The following DNAH1 variants were observed in gnomAD, a reference collection of about 807,000 sequenced individuals.
DNAH1 encodes the protein dynein axonemal heavy chain 1, also known as axonemal beta dynein heavy chain 1.
DNAH1 carries 327 observed loss-of-function variants against 484.3 expected under a neutral mutation model. The ratio of observed to expected loss-of-function variants is 0.68; its 90% CI spans 0.62 to 0.74. The LOEUF (loss-of-function observed/expected upper bound fraction) is 0.74. Ranked by LOEUF, DNAH1 falls within the 30% of genes least tolerant of loss-of-function variation. The pLI is 0.00. For missense variants in DNAH1, 5,052 were observed against 5,546.8 expected (o/e 0.91, Z 2.83); for synonymous variants, 2,192 against 2,191.9 (o/e 1.00, Z 0.00).
chr3:52,348,796 C>A, intron 12 of DNAH1, 92 bp from the exon 13 acceptor site: 1 of 1,416,624 alleles, frequency 7.1e-7, no homozygotes, highest in Non-Finnish European at 9.7e-7. Flanking sequence ...CCCCTGCTTG[C>A]CCTGCTCCTC....
chr3:52,334,303 A>G (rs62257590), intron 8 of DNAH1, among the ~76,000 whole-genome samples: 3,116 of 152,342 alleles, frequency 0.02, 55 homozygotes, highest in Non-Finnish European at 0.031. Flanking sequence ...TGGTACATCT[A>G]TGTAAGGCAC....
At position 52,383,957 on chromosome 3, in the gene DNAH1, C is replaced by T. The variant is rs941848602; in HGVS notation, c.8248C>T (p.Leu2750=). The part of the protein sequence containing the change: ...DWFNEWPAEA[L]KSVATVFLNE... ...GTTTAACGAGTGGCCGGCAGAAGCC[C>T]TGAAGTCTGTGGCCACCGTGTTCCT... The change falls in exon 52 of 78, where the codon CTG becomes TTG. Residue 2750 remains leucine, a synonymous_variant. Coordinates refer to ENST00000420323, the MANE Select transcript of DNAH1 (RefSeq NM_015512.5). 9 of 1,612,682 alleles carry T rather than the reference C, an allele frequency of 5.6e-6. No homozygotes were observed. Among genetic ancestry groups the T allele is most frequent in the Non-Finnish European group, 7.6e-6 (9 of 1,179,330 alleles).
At chr3:52,336,490 G>T (rs909888310) in intron 8 of DNAH1, among the ~76,000 whole-genome samples, 1 of 152,166 alleles carries the variant, frequency 6.6e-6, no homozygotes, top group Non-Finnish European at 1.5e-5. Flanking sequence ...GGAGGTGGAG[G>T]TTGCAGTGAG....
rs1240300568 is a variant in DNAH1 at position 52,359,490 on chromosome 3, C to T, written c.4407+104C>T. 3.4e-6 allele frequency: 5 copies of T among 1,461,908 alleles called. No individual in the cohort carries two copies. The East Asian group carries it at 1.2e-4, about 36-fold the overall frequency. The allele number at this position is 1,461,908 out of a possible 1,614,324, so 90.6% of individuals were successfully genotyped here. A position where few individuals can be genotyped will look rare whatever the true frequency, so the allele number is the denominator to read the frequency against. ...TCTCCTATAGTGAGCCTGGAAGAGG[C>T]CTGGGGTTGGGTCTAAAGGGGAGGT... On this transcript the variant is annotated intron_variant, in intron 26 of 77. Transcript: ENST00000420323.
chr3:52,361,561 G>C lies in DNAH1; in HGVS notation c.4875-100G>C. On this transcript the variant is annotated intron_variant, in intron 29 of 77. Transcript: ENST00000420323. The surrounding 1 kb of genome is among the most constrained non-coding windows in gnomAD (Gnocchi z 5.6). ...CTGAGCTGATGGAGATTGCCCCTGA[G>C]GGCTTCCTCCCAAGTGGAGTTGGAG... 1 of 1,367,078 alleles carries C rather than the reference G, an allele frequency of 7.3e-7. No homozygotes were observed. Among genetic ancestry groups the C allele is most frequent in the Non-Finnish European group, 1.0e-6 (1 of 994,286 alleles). The allele number at this position is 1,367,078 out of a possible 1,614,324, so 84.7% of individuals were successfully genotyped here.
chr3:52,330,457 C>A (rs1264453253), intron 6 of DNAH1, among the ~76,000 whole-genome samples: 1 of 152,226 alleles, frequency 6.6e-6, no homozygotes, highest in Non-Finnish European at 1.5e-5. Context: ...ATGAGGCGAC[C>A]TGAGTGGAGA....
chr3:52,352,455 G>C, intron 17 of DNAH1, 97 bp from the exon 18 acceptor site: 1 of 1,486,024 alleles, frequency 6.7e-7, no homozygotes, highest in Non-Finnish European at 9.0e-7. Context: ...CGGAGGAGTG[G>C]ACGTCCTGGG....
chr3:52,385,205 C>A, intron 53 of DNAH1, 132 bp from the exon 54 acceptor site: 1 of 1,045,924 alleles, frequency 9.6e-7, no homozygotes, highest in Non-Finnish European at 1.4e-6. Context: ...CCTCTGGGGT[C>A]GGCTGGGCAA....
At chr3:52,345,455 G>A (rs1702102803) in intron 9 of DNAH1, 40 bp from the exon 10 acceptor site, 2 of 1,534,794 alleles carry the variant, frequency 1.3e-6, no homozygotes, top group African/African-American at 2.8e-5. Flanking sequence ...GGTTTGGCCA[G>A]GCAGGGTCTG....
In DNAH1 at chr3:52,324,638, G is replaced by A. The variant is rs115847109; in HGVS notation, c.406+758G>A. 6.8e-3 allele frequency among the ~76,000 whole-genome samples: 1,032 copies of A among 152,252 alleles called. 12 individuals are homozygous for A. The highest frequency in any genetic ancestry group is 0.012 in the Non-Finnish European group (828 of 68,004). On this transcript the variant is annotated intron_variant, in intron 3 of 77. Coordinates refer to ENST00000420323, the MANE Select transcript of DNAH1 (RefSeq NM_015512.5). ...ACACCAGTCCTCTTGGAGCCCACAG[G>A]CCTTAGAAAACATCACGAGCATGTA...
intron 43 of DNAH1, among the ~76,000 whole-genome samples, chr3:52,372,596 G>T (rs578230582): frequency 6.6e-6 from 1 of 152,364 alleles, no homozygotes; most frequent in Non-Finnish European, 1.5e-5. Flanking sequence ...CAGTCAGCGA[G>T]TGGGTGCTCG....
At chr3:52,374,453 T>A (rs1327471527) in intron 44 of DNAH1, 3 of 1,347,842 alleles carry the variant, frequency 2.2e-6, no homozygotes, top group Non-Finnish European at 1.1e-6. Context: ...AGACTCACAG[T>A]CCAAAAGAAG....
Position 52,370,457 on chromosome 3 carries a change from A to G in DNAH1, c.6259-20A>G. ...GATACTGTTCCTGTCTCAGCCTGAT[A>G]CTGTTCCCTTCATCCCCAGGGCCTC... On this transcript the variant is annotated intron_variant, in intron 39 of 77. Transcript: ENST00000420323. 6.2e-7 allele frequency: 1 copy of G among 1,613,860 alleles called. No individual in the cohort carries two copies.
chr3:52,374,761 A>T, intron 44 of DNAH1: 1 of 1,157,170 alleles, frequency 8.6e-7, no homozygotes, highest in Non-Finnish European at 1.3e-6. Flanking sequence ...ATAGAGATGG[A>T]ACAAAAGCTG....
rs1016034342 is a variant in DNAH1, at chr3:52,323,851, A to G, written c.377A>G (p.Gln126Arg). The G allele has an allele frequency of 3.8e-5, 60 of 1,583,640 alleles. No homozygotes were observed. The highest frequency in any genetic ancestry group is 4.7e-5 in the Non-Finnish European group (55 of 1,164,898). ...CGAATGAGCCAGAACCTCCTGCGGC[A>G]GGCTGACCTTGACAAGTTCACCCCA... is the stretch of plus-strand genomic sequence containing the variant. ...GPRMSQNLLR[Q>R]ADLDKFTPRV... The change falls in exon 3 of 78, where the codon CAG becomes CGG. Residue 126 changes from glutamine to arginine, a missense_variant. Coordinates refer to ENST00000420323, the MANE Select transcript of DNAH1 (RefSeq NM_015512.5).
chr3:52,335,547 G>A (rs1399072763), intron 8 of DNAH1, among the ~76,000 whole-genome samples: 1 of 151,958 alleles, frequency 6.6e-6, no homozygotes, highest in Non-Finnish European at 1.5e-5. Flanking sequence ...GACCTCAGGT[G>A]ATCCACCTGC....
rs1702247454 is a variant in DNAH1, at chr3:52,348,766, A to G, written c.2107-122A>G. 4.8e-6 allele frequency: 5 copies of G among 1,049,460 alleles called. No homozygotes were observed. The South Asian group carries it at 7.4e-5, about 16-fold the overall frequency. 65.0% of individuals were successfully genotyped at this position (1,049,460 alleles called of 1,614,324 possible). A position where few individuals can be genotyped will look rare whatever the true frequency, so the allele number is the denominator to read the frequency against. ...GTATTTGGTCACCCTGCCACCCTCT[A>G]GGCTTCAGGCCACATCCTGCCCCTG... On this transcript the variant is annotated intron_variant, in intron 12 of 77. Coordinates refer to ENST00000420323, the MANE Select transcript of DNAH1 (RefSeq NM_015512.5).
chr3:52,320,341 A>T (rs1183927258), intron 1 of DNAH1, among the ~76,000 whole-genome samples: 1 of 152,226 alleles, frequency 6.6e-6, no homozygotes, highest in African/African-American at 2.4e-5. Flanking sequence ...CAGAGACTGG[A>T]TTCAGGGAGC....
At chr3:52,318,115 G>A (rs899213246) in intron 1 of DNAH1, among the ~76,000 whole-genome samples, 6 of 152,206 alleles carry the variant, frequency 3.9e-5, no homozygotes, top group Non-Finnish European at 8.8e-5. Flanking sequence ...GCAATGGCGC[G>A]ATCTCGGCTC....
Sources: gnomAD v4.1 joint callset for allele counts (sites outside exome capture counted in the v4.1 genomes callset) on GRCh38, gnomAD v4.1.1 for gene constraint, Gnocchi (gnomAD v3.1) non-coding constraint, MANE v1.5 for transcripts, NCBI Gene and HGNC (gene_info 2026-07-23, HGNC 2026-07-21) for gene names.